VPS37A: variants seen among roughly 807,000 people sequenced by gnomAD.
VPS37A encodes the protein VPS37A subunit of ESCRT-I, also known as vacuolar protein sorting-associated protein 37A.
In VPS37A, 30 loss-of-function variants were observed where a neutral mutation model predicts 49.8. The observed-to-expected ratio is 0.60, with a 90% CI of 0.45 to 0.82. The LOEUF (loss-of-function observed/expected upper bound fraction) is 0.82, where lower values mean the gene tolerates loss of function less well. Among genes scored for constraint, VPS37A ranks in the 40% least tolerant of loss-of-function variants. VPS37A has a pLI of 0.00. For missense variants in VPS37A, 593 were observed against 464.4 expected (o/e 1.28, Z -2.55); for synonymous variants, 195 against 160.6 (o/e 1.21, Z -1.62).
chr8:17,247,421 G>T (rs750027609), intron 1 of VPS37A, 52 bp downstream of exon 1: 9 of 164,028 alleles, frequency 5.5e-5, no homozygotes, highest in East Asian at 2.0e-4. Flanking sequence ...GGGAGGGCGG[G>T]CTTGTCCTAA....
chr8:17,277,017 C>T (rs948767995), intron 6 of VPS37A, among the ~76,000 whole-genome samples: 23 of 152,068 alleles, frequency 1.5e-4, no homozygotes, highest in African/African-American at 5.1e-4. Flanking sequence ...GGAAGCACTG[C>T]ACCCTTTATA....
the VPS37A span, among the ~76,000 whole-genome samples, chr8:17,328,567 C>G: frequency 5.6e-5 from 8 of 144,124 alleles, no homozygotes; most frequent in East Asian, 2.0e-4. Flanking sequence ...GGCCTGTTGG[C>G]GGGGGTGGGG....
At chr8:17,250,775 A>C (rs1296481087) in intron 1 of VPS37A, among the ~76,000 whole-genome samples, 1 of 152,182 alleles carries the variant, frequency 6.6e-6, no homozygotes, top group East Asian at 1.9e-4. Context: ...CTACAAAAAA[A>C]ATAGGTGAAT....
the VPS37A span, among the ~76,000 whole-genome samples, chr8:17,320,744 C>A: frequency 1.6e-4 from 25 of 152,262 alleles, no homozygotes; most frequent in African/African-American, 5.3e-4. Flanking sequence ...CCAGACAGGC[C>A]CTCCAAGCAT....
intron 1 of VPS37A, among the ~76,000 whole-genome samples, chr8:17,265,351 A>G (rs1813346528): frequency 6.6e-6 from 1 of 152,218 alleles, no homozygotes; most frequent in Admixed American, 6.5e-5. Flanking sequence ...AGCAACAACT[A>G]GCTATAAGAA....
chr8:17,281,125 C>A (rs551737069), intron 9 of VPS37A, among the ~76,000 whole-genome samples: 1 of 151,820 alleles, frequency 6.6e-6, no homozygotes, highest in East Asian at 1.9e-4. Context: ...TCAGATAATA[C>A]GGTCATTTGT....
downstream of VPS37A, chr8:17,305,624 A>G: frequency 2.9e-6 from 2 of 693,976 alleles, no homozygotes; most frequent in Non-Finnish European, 4.6e-6. Flanking sequence ...GAAAAAGAAA[A>G]TAAAACTAAT....
intron 2 of VPS37A, among the ~76,000 whole-genome samples, chr8:17,266,700 C>G (rs1403491072): frequency 4.6e-5 from 7 of 152,222 alleles, no homozygotes; most frequent in Non-Finnish European, 2.9e-5. Context: ...CATAGGAGAC[C>G]TTATTAAATA....
At position 17,265,864 on chromosome 8, in the gene VPS37A, G is replaced by T. The variant is rs201481583; in HGVS notation, c.126-43G>T. 1.4e-3 allele frequency: 2,281 copies of T among 1,612,048 alleles called. 18 individuals carry two copies. Among genetic ancestry groups the T allele is most frequent in the Middle Eastern group, 7.1e-3 (43 of 6,052 alleles). Reference sequence around the variant, plus strand: ...TTAACATTGGTTTTTAACAATAATGGTTTCATGACTTTGGGTAAATTTTTT... The same window carrying T: ...TTAACATTGGTTTTTAACAATAATGTTTTCATGACTTTGGGTAAATTTTTT... On this transcript the variant is annotated intron_variant, in intron 1 of 11. Coordinates refer to ENST00000324849, the MANE Select transcript of VPS37A (RefSeq NM_152415.3).
At chr8:17,256,588 G>A (rs1215348014) in intron 1 of VPS37A, among the ~76,000 whole-genome samples, 1 of 150,726 alleles carries the variant, frequency 6.6e-6, no homozygotes, top group East Asian at 2.0e-4. Context: ...CCGTTTTTTG[G>A]GTTGTCTCTT....
the VPS37A span, among the ~76,000 whole-genome samples, chr8:17,310,816 C>G: frequency 1.3e-5 from 2 of 152,196 alleles, no homozygotes; most frequent in African/African-American, 2.4e-5. Flanking sequence ...ATTCATGATT[C>G]ACTGAAGCAC....
At chr8:17,262,591 G>C (rs548923622) in intron 1 of VPS37A, among the ~76,000 whole-genome samples, 17 of 151,992 alleles carry the variant, frequency 1.1e-4, no homozygotes, top group South Asian at 2.1e-4. Context: ...GTGTGTGTGT[G>C]TGTGTGTGTA....
chr8:17,318,823 C>G, the VPS37A span, among the ~76,000 whole-genome samples: 1 of 152,222 alleles, frequency 6.6e-6, no homozygotes, highest in Non-Finnish European at 1.5e-5. Context: ...GAGAAGCAGC[C>G]TCCACAGGCA....
intron 1 of VPS37A, chr8:17,247,853 A>G (rs191744490): frequency 1.5e-6 from 1 of 679,338 alleles, no homozygotes; most frequent in Admixed American, 2.1e-5. Context: ...TTCTCGTCTG[A>G]GAGTCACTTA....
At chr8:17,332,194 G>C in the VPS37A span, among the ~76,000 whole-genome samples, 2 of 151,310 alleles carry the variant, frequency 1.3e-5, no homozygotes, top group Admixed American at 1.3e-4. Context: ...AACCCAGGCA[G>C]AGAACCTACA....
At chr8:17,312,634 G>T in the VPS37A span, among the ~76,000 whole-genome samples, 2 of 150,634 alleles carry the variant, frequency 1.3e-5, no homozygotes, top group Admixed American at 1.3e-4. Flanking sequence ...TATAAGCTCT[G>T]TGAGGGAAGA....
At chr8:17,259,457 T>C (rs1812778647) in intron 1 of VPS37A, among the ~76,000 whole-genome samples, 1 of 152,164 alleles carries the variant, frequency 6.6e-6, no homozygotes, top group Non-Finnish European at 1.5e-5. Context: ...ATTTCTGATT[T>C]CTTTGAGTTT....
At chr8:17,301,646 CA>C (rs1817121355), downstream of VPS37A, 1 of 153,970 alleles carries the variant, frequency 6.5e-6, no homozygotes, top group African/African-American at 2.4e-5. Context: ...CCATTGGAAA[CA>C]AAGTTATCCA....
At chr8:17,304,294 G>A, downstream of VPS37A, 1 of 1,474,772 alleles carries the variant, frequency 6.8e-7, no homozygotes. Flanking sequence ...AAAGATCAGT[G>A]TCATACACTT....
Sources: gnomAD v4.1 joint callset for allele counts (sites outside exome capture counted in the v4.1 genomes callset) on GRCh38, gnomAD v4.1.1 for gene constraint, MANE v1.5 for transcripts, NCBI Gene and HGNC (gene_info 2026-07-23, HGNC 2026-07-21) for gene names.